HIVEP3: variants seen among roughly 807,000 people sequenced by gnomAD.
HIVEP3 encodes the protein HIVEP zinc finger 3.
In HIVEP3, 49 loss-of-function variants were observed where a neutral mutation model predicts 152.8. The ratio of observed to expected loss-of-function variants is 0.32; its 90% CI spans 0.26 to 0.41. HIVEP3 has a LOEUF of 0.41. Among genes scored for constraint, HIVEP3 ranks in the 10% least tolerant of loss-of-function variants. The probability of loss-of-function intolerance (pLI) is 1.00; values close to 1 mark genes in which losing one functional copy is unlikely to be tolerated. For missense variants in HIVEP3, 2,790 were observed against 3,103.3 expected (o/e 0.90, Z 2.40); for synonymous variants, 1,269 against 1,289.0 (o/e 0.98, Z 0.33).
rs766306317 is a variant in HIVEP3, at chr1:41,583,937, C to T, written c.861G>A (p.Glu287=). The T allele has an allele frequency of 6.2e-7, 1 of 1,614,190 alleles. No homozygotes were observed. Among genetic ancestry groups the T allele is most frequent in the Admixed American group, 1.7e-5 (1 of 60,028 alleles). ...TEGESTDSEE[E]TSATSGHPAE... is the part of the protein sequence containing the mutation. ...CAGGGTGACCAGAGGTGGCACTAGT[C>T]TCCTCTTCAGAATCTGTGCTTTCTC... is the stretch of plus-strand genomic sequence containing the variant. Residue 287 remains glutamate (E), a synonymous_variant, in exon 4 of 9, where the codon GAG becomes GAA. Coordinates refer to ENST00000372583, the MANE Select transcript of HIVEP3 (RefSeq NM_024503.5). The surrounding 1 kb of genome is among the most constrained non-coding windows in gnomAD (Gnocchi z 6.9).
chr1:41,818,912 C>T (rs999818751), intron 1 of HIVEP3, among the ~76,000 whole-genome samples: 2 of 152,080 alleles, frequency 1.3e-5, no homozygotes, highest in African/African-American at 2.4e-5. Context: ...TCTGGGGCAA[C>T]CTTAACTAGA....
intron 1 of HIVEP3, among the ~76,000 whole-genome samples, chr1:41,970,309 T>C (rs944591726): frequency 6.6e-6 from 1 of 152,198 alleles, no homozygotes; most frequent in Non-Finnish European, 1.5e-5. Context: ...AATGATGGAC[T>C]AGATAAAGAA....
At chr1:42,007,754 T>A (rs1234960819) in intron 1 of HIVEP3, among the ~76,000 whole-genome samples, 1 of 152,178 alleles carries the variant, frequency 6.6e-6, no homozygotes, top group Non-Finnish European at 1.5e-5. Context: ...CTACTCAGTA[T>A]TCTACTCCAT....
intron 1 of HIVEP3, among the ~76,000 whole-genome samples, chr1:41,900,931 C>T (rs1441101554): frequency 1.3e-5 from 2 of 152,034 alleles, no homozygotes; most frequent in Non-Finnish European, 1.5e-5. Context: ...AAATTACAGA[C>T]ATGATTAGGG....
intron 3 of HIVEP3, among the ~76,000 whole-genome samples, chr1:41,592,478 GGAGAA>G (rs1644601913): frequency 1.3e-5 from 2 of 152,224 alleles, no homozygotes; most frequent in African/African-American, 4.8e-5. Context: ...CTTAAGCTGA[GGAGAA>G]TTCCACATGG....
intron 1 of HIVEP3, among the ~76,000 whole-genome samples, chr1:41,990,457 T>G (rs1422378577): frequency 6.7e-6 from 1 of 148,620 alleles, no homozygotes; most frequent in East Asian, 2.0e-4. Flanking sequence ...CTAACTATCC[T>G]AAATATATAT....
chr1:41,560,488 A>G (rs903074191), intron 5 of HIVEP3, among the ~76,000 whole-genome samples: 1 of 152,106 alleles, frequency 6.6e-6, no homozygotes, highest in Admixed American at 6.6e-5. Flanking sequence ...CCCGAGAAGC[A>G]CCTCCACCCA....
Position 41,507,566 on chromosome 1 carries a change from C to G in HIVEP3, c.*2885G>C, listed in dbSNP as rs539707532. The G allele has an allele frequency of 6.6e-6, 1 of 152,294 alleles. No individual in the cohort carries two copies. The highest frequency in any genetic ancestry group is 6.5e-5 in the Admixed American group (1 of 15,292). The allele number at this position is 152,294 out of a possible 1,614,324, so 9.4% of individuals were successfully genotyped here. A position where few individuals can be genotyped will look rare whatever the true frequency, so the allele number is the denominator to read the frequency against. On this transcript the variant is annotated 3_prime_UTR_variant, in exon 9 of 9. Transcript: ENST00000372583. ...AGTCTGTACCGAGGAATGGCCACCC[C>G]GCGCATTTCAACAGAGCACGTAGCA...
At chr1:41,977,212 GACAA>G (rs1223065185) in intron 1 of HIVEP3, among the ~76,000 whole-genome samples, 2 of 152,144 alleles carry the variant, frequency 1.3e-5, no homozygotes, top group Admixed American at 1.3e-4. Context: ...ATAAAAATCA[GACAA>G]GGAGTTCAGG....
At chr1:41,710,022 T>C (rs1646489991) in intron 1 of HIVEP3, among the ~76,000 whole-genome samples, 1 of 152,166 alleles carries the variant, frequency 6.6e-6, no homozygotes, top group African/African-American at 2.4e-5. Flanking sequence ...GGGAAGTTTC[T>C]AGCTGTGCCA....
At chr1:41,708,185 G>A (rs1025316619) in intron 1 of HIVEP3, among the ~76,000 whole-genome samples, 14 of 152,190 alleles carry the variant, frequency 9.2e-5, no homozygotes, top group African/African-American at 3.4e-4. Context: ...AGTGCTTCAT[G>A]TACCTTCTGC....
At chr1:41,801,330 G>A (rs1246017998) in intron 1 of HIVEP3, among the ~76,000 whole-genome samples, 1 of 151,988 alleles carries the variant, frequency 6.6e-6, no homozygotes, top group East Asian at 1.9e-4. Context: ...CCTTTCCAAG[G>A]TTCCTCAAGG....
intron 1 of HIVEP3, among the ~76,000 whole-genome samples, chr1:41,851,724 G>C (rs1245810014): frequency 6.6e-6 from 1 of 152,188 alleles, no homozygotes; most frequent in South Asian, 2.1e-4. Context: ...GGAGAAAAAC[G>C]TGCCCTTAGG....
chr1:41,545,227 C>T (rs1167256185), intron 5 of HIVEP3, among the ~76,000 whole-genome samples: 8 of 128,770 alleles, frequency 6.2e-5, no homozygotes, highest in Admixed American at 7.6e-5. Context: ...ACCACCATCG[C>T]TACCATCACC....
At chr1:41,555,549 G>A (rs1007647402) in intron 5 of HIVEP3, among the ~76,000 whole-genome samples, 12 of 152,192 alleles carry the variant, frequency 7.9e-5, no homozygotes, top group African/African-American at 2.9e-4. Context: ...ACCTCAGTTG[G>A]AAATGCAGAA....
intron 1 of HIVEP3, among the ~76,000 whole-genome samples, chr1:41,752,221 A>G (rs1418929706): frequency 2.0e-5 from 3 of 152,208 alleles, no homozygotes; most frequent in Admixed American, 2.0e-4. Flanking sequence ...TTTCAAAACC[A>G]CAGGGTGACC....
intron 5 of HIVEP3, among the ~76,000 whole-genome samples, chr1:41,574,063 C>T (rs893028919): frequency 6.6e-6 from 1 of 152,138 alleles, no homozygotes; most frequent in Non-Finnish European, 1.5e-5. Flanking sequence ...GCACCTGCCT[C>T]TCAGGGAAGA....
In HIVEP3 at chr1:41,508,688, C is replaced by T. The variant is rs1446146988; in HGVS notation, c.*1763G>A. On this transcript the variant is annotated 3_prime_UTR_variant, in exon 9 of 9. Transcript: ENST00000372583. ...ACGAATTGGAAGAGGCAAGTACAGCCCCGCACAGGGAACTCACAGAAGGGT... is the reference window on the plus strand; with the variant it reads ...ACGAATTGGAAGAGGCAAGTACAGCTCCGCACAGGGAACTCACAGAAGGGT... 2 of 152,360 alleles carry T rather than the reference C, an allele frequency of 1.3e-5. No individual in the cohort carries two copies. Among genetic ancestry groups the T allele is most frequent in the South Asian group, 2.1e-4 (1 of 4,832 alleles). The allele number at this position is 152,360 out of a possible 1,614,324, so 9.4% of individuals were successfully genotyped here.
chr1:41,564,734 A>C (rs775836915), intron 5 of HIVEP3, among the ~76,000 whole-genome samples: 1 of 152,266 alleles, frequency 6.6e-6, no homozygotes, highest in African/African-American at 2.4e-5. Flanking sequence ...TATGTGAAGG[A>C]TCAAAGTATT....
Sources: allele counts gnomAD v4.1 joint callset (sites outside exome capture counted in the v4.1 genomes callset), GRCh38; gene constraint gnomAD v4.1.1; non-coding constraint Gnocchi (gnomAD v3.1); transcripts MANE v1.5; gene names NCBI Gene and HGNC (gene_info 2026-07-23, HGNC 2026-07-21).